TBC1D4: variants seen among roughly 807,000 people sequenced by gnomAD.
TBC1D4 encodes TBC (Tre-2, BUB2, CDC16) domain-containing protein.
Under a neutral mutation model 142.5 loss-of-function variants are expected in TBC1D4, and 121 were observed. The observed-to-expected ratio is 0.85, with a 90% CI of 0.73 to 0.99. The LOEUF (loss-of-function observed/expected upper bound fraction) is 0.99. TBC1D4 is among the 50% of genes least tolerant of loss of function. The pLI is 0.00. For missense variants in TBC1D4, 1,475 were observed against 1,606.6 expected (o/e 0.92, Z 1.40); for synonymous variants, 630 against 628.2 (o/e 1.00, Z -0.04).
At chr13:75,453,442 T>C (rs542155755) in intron 1 of TBC1D4, among the ~76,000 whole-genome samples, 1 of 152,298 alleles carries the variant, frequency 6.6e-6, no homozygotes, top group East Asian at 1.9e-4. Flanking sequence ...TACTGCCAAA[T>C]AGTTGAGTTC....
chr13:75,364,448 T>C (rs1054732085), intron 1 of TBC1D4, among the ~76,000 whole-genome samples: 4 of 152,252 alleles, frequency 2.6e-5, no homozygotes, highest in African/African-American at 9.6e-5. Context: ...GTATTTCCTA[T>C]GAAAGGATAA....
intron 1 of TBC1D4, among the ~76,000 whole-genome samples, chr13:75,369,988 A>G (rs76087951): frequency 0.056 from 8,587 of 152,248 alleles, 707 homozygotes; most frequent in African/African-American, 0.18. Flanking sequence ...CAGGGAAGGC[A>G]GAAATTTGGA....
chr13:75,338,307 T>TAC (rs1880396937), intron 7 of TBC1D4, among the ~76,000 whole-genome samples: 1 of 149,158 alleles, frequency 6.7e-6, no homozygotes. Flanking sequence ...ACAATGGGTA[T>TAC]ACATGTGGGC....
intron 17 of TBC1D4, 39 bp from the exon 18 acceptor site, chr13:75,295,052 T>G: frequency 1.3e-6 from 2 of 1,582,298 alleles, no homozygotes; most frequent in Non-Finnish European, 1.7e-6. Flanking sequence ...TATTATGCAT[T>G]TATCTGCATG....
intron 1 of TBC1D4, among the ~76,000 whole-genome samples, chr13:75,398,441 GA>G (rs1410642060): frequency 6.6e-6 from 1 of 152,178 alleles, no homozygotes; most frequent in Non-Finnish European, 1.5e-5. Flanking sequence ...CTGAAGGCGG[GA>G]CAGAAGAAGA....
chr13:75,341,236 C>T lies in TBC1D4; in HGVS notation c.1501-1G>A. 1 of 1,613,294 alleles carries T rather than the reference C, an allele frequency of 6.2e-7. No homozygotes were observed. Among genetic ancestry groups the T allele is most frequent in the Non-Finnish European group, 8.5e-7 (1 of 1,179,478 alleles). On this transcript the variant is annotated splice_acceptor_variant, in intron 6 of 20. Coordinates refer to ENST00000377636, the MANE Select transcript of TBC1D4 (RefSeq NM_014832.5). LOFTEE classifies it high-confidence loss of function. Reference sequence around the variant, plus strand: ...CCTGGTCACTGACTGGCTTCATTTTCTGTTCAACAGACAAACCAAAAGAAC... The same window carrying T: ...CCTGGTCACTGACTGGCTTCATTTTTTGTTCAACAGACAAACCAAAAGAAC...
In TBC1D4 at chr13:75,352,735, G is replaced by A. The variant is rs112852477; in HGVS notation, c.1275+3412C>T. ...TCCAGGCCCGTCAGAACACTATACT[G>A]TTTACAAATTCATAGCAATTATTAC... On this transcript the variant is annotated intron_variant, in intron 4 of 20. Transcript: ENST00000377636. 1.4e-3 allele frequency among the ~76,000 whole-genome samples: 210 copies of A among 152,204 alleles called. 4 individuals are homozygous for A. Among genetic ancestry groups the A allele is most frequent in the African/African-American group, 4.8e-3 (199 of 41,522 alleles).
chr13:75,336,892 T>G (rs1206955597), intron 8 of TBC1D4, 29 bp downstream of exon 8: 1 of 1,613,304 alleles, frequency 6.2e-7, no homozygotes, highest in Admixed American at 1.7e-5. Flanking sequence ...CAGATATGCA[T>G]ACTTGAAAGA....
Position 75,362,445 on chromosome 13 carries a change from G to A in TBC1D4, c.661C>T (p.Leu221Phe), listed in dbSNP as rs1882611539. The change falls in exon 2 of 21, where the codon CTC (leucine) becomes TTC (phenylalanine). Residue 221 changes from leucine (L) to phenylalanine (F), a missense_variant. By Grantham distance (22) the Leu-to-Phe change is conservative (BLOSUM62 0). Around this residue, in one of 2 missense-constraint regions of TBC1D4, gnomAD observed 1,227 missense variants for 1,267.7 expected, o/e 0.97. Coordinates refer to ENST00000377636, the MANE Select transcript of TBC1D4 (RefSeq NM_014832.5). This position sits in a 1 kb window ranked among gnomAD's most constrained non-coding sequence, Gnocchi z 4.2. ...AACTTCTCCATGCAGTCATCGATGAGGCTTGAGGGGGCCTTCTTGTGGGTC... is the reference window on the plus strand; with the variant it reads ...AACTTCTCCATGCAGTCATCGATGAAGCTTGAGGGGGCCTTCTTGTGGGTC... The part of the protein sequence containing the change: ...TVTHKKAPSS[L>F]IDDCMEKFSL... 3 of 1,614,248 alleles carry A rather than the reference G, an allele frequency of 1.9e-6. No individual in the cohort carries two copies. Among genetic ancestry groups the A allele is most frequent in the Non-Finnish European group, 1.7e-6 (2 of 1,180,042 alleles).
chr13:75,440,994 C>A (rs771799035), intron 1 of TBC1D4, among the ~76,000 whole-genome samples: 1 of 152,098 alleles, frequency 6.6e-6, no homozygotes, highest in Non-Finnish European at 1.5e-5. Flanking sequence ...ACGGTGCTCA[C>A]GCCTGTAATT....
intron 1 of TBC1D4, among the ~76,000 whole-genome samples, chr13:75,440,030 T>C (rs921576602): frequency 6.6e-6 from 1 of 152,164 alleles, no homozygotes; most frequent in Admixed American, 6.6e-5. Context: ...ACTCTGAGGA[T>C]AGAACACAAT....
Position 75,450,243 on chromosome 13 carries a change from T to C in TBC1D4, c.498+31027A>G, listed in dbSNP as rs186241617. Among the ~76,000 whole-genome samples the C allele has an allele frequency of 3.4e-3, 525 of 152,322 alleles. 2 individuals carry two copies. The highest frequency in any genetic ancestry group is 5.7e-3 in the Non-Finnish European group (390 of 68,032). On this transcript the variant is annotated intron_variant, in intron 1 of 20. Transcript: ENST00000377636. ...TGCCATTCATTTCTTTTAATTGTTT[T>C]CCTTGTTTTTCTTCATTATGATGCG...
chr13:75,430,426 G>A (rs1886548905), intron 1 of TBC1D4, among the ~76,000 whole-genome samples: 1 of 151,982 alleles, frequency 6.6e-6, no homozygotes, highest in Non-Finnish European at 1.5e-5. Flanking sequence ...CTGTCCCCTC[G>A]TGCCCCACCC....
chr13:75,451,376 T>A (rs1887524324), intron 1 of TBC1D4, among the ~76,000 whole-genome samples: 1 of 151,956 alleles, frequency 6.6e-6, no homozygotes, highest in South Asian at 2.1e-4. Context: ...TTTCTGTTAC[T>A]TATTAAGCAT....
At chr13:75,351,815 T>C (rs1319545093) in intron 4 of TBC1D4, among the ~76,000 whole-genome samples, 1 of 152,138 alleles carries the variant, frequency 6.6e-6, no homozygotes, top group Non-Finnish European at 1.5e-5. Context: ...AATCTACCGT[T>C]GTTGGACATT....
intron 12 of TBC1D4, among the ~76,000 whole-genome samples, chr13:75,315,744 A>G (rs1566370750): frequency 6.6e-6 from 1 of 152,218 alleles, no homozygotes; most frequent in Non-Finnish European, 1.5e-5. Flanking sequence ...ACAGACAAAA[A>G]TACTGGCTAG....
chr13:75,396,592 A>C (rs551321222), intron 1 of TBC1D4, among the ~76,000 whole-genome samples: 46 of 152,298 alleles, frequency 3.0e-4, no homozygotes, highest in African/African-American at 1.1e-3. Flanking sequence ...CAAGTTTGTC[A>C]TCTAGTATAA....
At chr13:75,320,080 AT>A in intron 11 of TBC1D4, 43 bp from the exon 12 acceptor site, 2 of 1,608,080 alleles carry the variant, frequency 1.2e-6, no homozygotes, top group Non-Finnish European at 8.5e-7. Flanking sequence ...GCACACACAA[AT>A]ATGTCCAAAT....
Position 75,332,921 on chromosome 13 carries a change from C to T in TBC1D4, c.1731+4000G>A, listed in dbSNP as rs188811141. Reference sequence around the variant, plus strand: ...GTTACTGTGTCCTAATGCTCTATTGCACAAGCATGGAAAAAATCAAAATGT... The same window carrying T: ...GTTACTGTGTCCTAATGCTCTATTGTACAAGCATGGAAAAAATCAAAATGT... On this transcript the variant is annotated intron_variant, in intron 8 of 20. Coordinates refer to ENST00000377636, the MANE Select transcript of TBC1D4 (RefSeq NM_014832.5). 1.1e-3 allele frequency among the ~76,000 whole-genome samples: 160 copies of T among 152,288 alleles called. 3 individuals carry two copies. The highest frequency in any genetic ancestry group is 3.8e-3 in the African/African-American group (156 of 41,546).
Sources: allele counts gnomAD v4.1 joint callset (sites outside exome capture counted in the v4.1 genomes callset), GRCh38; gene constraint gnomAD v4.1.1; regional missense constraint gnomAD v4.1.1; non-coding constraint Gnocchi (gnomAD v3.1); transcripts MANE v1.5; gene names NCBI Gene and HGNC (gene_info 2026-07-23, HGNC 2026-07-21).